Variants in NBEA observed in about 807,000 individuals in gnomAD.
The protein encoded by NBEA is lysosomal-trafficking regulator 2.
A neutral mutation model predicts 343.4 loss-of-function variants in NBEA; 44 were observed. The ratio of observed to expected loss-of-function variants is 0.13; its 90% confidence interval spans 0.10 to 0.16. The LOEUF (loss-of-function observed/expected upper bound fraction) is 0.16, where lower values mean the gene tolerates loss of function less well. NBEA is among the 10% of genes least tolerant of loss of function. NBEA has a pLI of 1.00. For synonymous variants in NBEA, 1,175 were observed against 1,238.7 expected (o/e 0.95, Z 1.08); for missense variants, 2,555 against 3,631.3 (o/e 0.70, Z 7.62).
intron 48 of NBEA, among the ~76,000 whole-genome samples, chr13:35,607,942 G>A (rs556305432): frequency 6.6e-6 from 1 of 152,032 alleles, no homozygotes; most frequent in Non-Finnish European, 1.5e-5. Context: ...TATCTCCATT[G>A]ATTTGACTAT....
intron 10 of NBEA, among the ~76,000 whole-genome samples, chr13:35,079,344 G>A (rs890904454): frequency 6.6e-6 from 1 of 152,066 alleles, no homozygotes; most frequent in Admixed American, 6.6e-5. Context: ...AAATGTAATG[G>A]TTACAAAAAT....
intron 1 of NBEA, among the ~76,000 whole-genome samples, chr13:34,979,902 G>A (rs1270522899): frequency 6.6e-6 from 1 of 152,014 alleles, no homozygotes; most frequent in African/African-American, 2.4e-5. Context: ...GTGAGATAAG[G>A]GTTCAGATTT....
At chr13:34,978,309 A>G (rs1277175510) in intron 1 of NBEA, among the ~76,000 whole-genome samples, 1 of 152,232 alleles carries the variant, frequency 6.6e-6, no homozygotes, top group Non-Finnish European at 1.5e-5. Flanking sequence ...AAAATTTTAT[A>G]GTGAACACCC....
Position 35,056,131 on chromosome 13 carries a change from TA to T in NBEA, c.1092+4del. 6.3e-7 allele frequency: 1 copy of T among 1,578,060 alleles called. No homozygotes were observed. The highest frequency in any genetic ancestry group is 1.2e-5 in the South Asian group (1 of 82,116). ...GCTTGGCATGTTAACACAAATGATG[TA>T]AGTCTTTATTTTTCTGTCTGTGTTT... On this transcript the variant is annotated splice_donor_region_variant and intron_variant, in intron 7 of 58. Transcript: ENST00000379939.
At chr13:35,641,678 G>A (rs2083956367) in intron 49 of NBEA, among the ~76,000 whole-genome samples, 1 of 152,038 alleles carries the variant, frequency 6.6e-6, no homozygotes, top group Non-Finnish European at 1.5e-5. Flanking sequence ...GGGCTAGATA[G>A]GGGGAATAAT....
intron 30 of NBEA, 144 bp downstream of exon 30, chr13:35,184,215 C>A: frequency 1.9e-6 from 1 of 522,610 alleles, no homozygotes; most frequent in Non-Finnish European, 3.3e-6. Flanking sequence ...TTATACCTAG[C>A]TATTGAGAGC....
At chr13:35,059,938 C>G (rs1313968475) in intron 8 of NBEA, among the ~76,000 whole-genome samples, 1 of 151,774 alleles carries the variant, frequency 6.6e-6, no homozygotes, top group African/African-American at 2.4e-5. Context: ...TTTTGTCTTA[C>G]TAGCTCTAGA....
intron 1 of NBEA, among the ~76,000 whole-genome samples, chr13:34,946,490 G>A (rs544473205): frequency 6.6e-6 from 1 of 151,894 alleles, no homozygotes; most frequent in Non-Finnish European, 1.5e-5. Context: ...CTTAGTGAAA[G>A]AATTCATAAT....
intron 11 of NBEA, among the ~76,000 whole-genome samples, chr13:35,100,536 C>T (rs538207872): frequency 3.3e-5 from 5 of 151,994 alleles, no homozygotes; most frequent in African/African-American, 7.2e-5. Flanking sequence ...CTGTGTGTGA[C>T]AGGATTTCTG....
chr13:35,128,836 AG>A (rs2067264861), intron 17 of NBEA, among the ~76,000 whole-genome samples: 1 of 152,192 alleles, frequency 6.6e-6, no homozygotes, highest in Non-Finnish European at 1.5e-5. Context: ...AGATTCAAAT[AG>A]AGCACCAATG....
chr13:35,429,808 T>TGTGTGTGTGC, intron 38 of NBEA, among the ~76,000 whole-genome samples: 1 of 142,490 alleles, frequency 7.0e-6, no homozygotes, highest in Non-Finnish European at 1.5e-5. Context: ...AACGTGTGTG[T>TGTGTGTGTGC]GTGTGTGTGT....
At position 35,286,587 on chromosome 13, in the gene NBEA, A is replaced by T. The variant is rs1052496845; in HGVS notation, c.5777-3802A>T. On this transcript the variant is annotated intron_variant, in intron 34 of 58. Transcript: ENST00000379939. ...TTTAACTTGATATTCAATTCAACAG[A>T]TGTAAAAAGTTAGACCCGCAGATTG... Among the ~76,000 whole-genome samples, 5 of 152,274 alleles carry T rather than the reference A, an allele frequency of 3.3e-5. No individual in the cohort carries two copies. The East Asian group carries it at 7.7e-4, about 24-fold the overall frequency.
intron 39 of NBEA, among the ~76,000 whole-genome samples, chr13:35,436,693 G>A (rs1167284162): frequency 6.7e-6 from 1 of 149,088 alleles, no homozygotes; most frequent in Non-Finnish European, 1.5e-5. Flanking sequence ...CTGGGCGACA[G>A]GGAGACTCCG....
chr13:35,225,574 G>C (rs1180831638), intron 33 of NBEA, among the ~76,000 whole-genome samples: 1 of 152,124 alleles, frequency 6.6e-6, no homozygotes, highest in Non-Finnish European at 1.5e-5. Flanking sequence ...ATACTGGTTA[G>C]GTTTGAATGG....
chr13:34,970,264 A>T (rs1307523236), intron 1 of NBEA, among the ~76,000 whole-genome samples: 1 of 151,606 alleles, frequency 6.6e-6, no homozygotes, highest in South Asian at 2.1e-4. Flanking sequence ...TTCCTTGTAA[A>T]TTTGTTTAAG....
intron 38 of NBEA, among the ~76,000 whole-genome samples, chr13:35,392,776 A>T (rs2042567151): frequency 6.6e-6 from 1 of 152,190 alleles, no homozygotes; most frequent in Non-Finnish European, 1.5e-5. Context: ...GTCTTTGAAT[A>T]AATGGGACTT....
chr13:35,627,907 A>AGGT lies in NBEA; in HGVS notation c.7450-173_7450-171dup, dbSNP rs375798726. Among the ~76,000 whole-genome samples, 408 of 152,046 alleles carry AGGT rather than the reference A, an allele frequency of 2.7e-3. 4 individuals are homozygous for AGGT. Among genetic ancestry groups the AGGT allele is most frequent in the African/African-American group, 8.5e-3 (353 of 41,486 alleles). On this transcript the variant is annotated intron_variant, in intron 48 of 58. Coordinates refer to ENST00000379939, the MANE Select transcript of NBEA (RefSeq NM_001385012.1). ...TTTAGGTGTCTGTAAAATACTACTG[A>AGGT]GGTAGTATTTTTCCATTTCTAGGAA...
chr13:35,426,225 G>A (rs950020995), intron 38 of NBEA, among the ~76,000 whole-genome samples: 21 of 152,164 alleles, frequency 1.4e-4, no homozygotes, highest in Non-Finnish European at 2.5e-4. Flanking sequence ...GTTAGTTGAT[G>A]CAGTTTCTTC....
Position 35,023,860 on chromosome 13 carries a change from G to A in NBEA, c.295-17073G>A, listed in dbSNP as rs186683411. Among the ~76,000 whole-genome samples, 6 of 152,194 alleles carry A rather than the reference G, an allele frequency of 3.9e-5. No homozygotes were observed. The East Asian group carries it at 1.2e-3, about 29-fold the overall frequency. ...TTATTTTAGGTTTGGGGGTGCATGC[G>A]CAGGTTTGTTACGTGGGTAAATTGT... is the stretch of plus-strand genomic sequence containing the variant. On this transcript the variant is annotated intron_variant, in intron 1 of 58. Coordinates refer to ENST00000379939, the MANE Select transcript of NBEA (RefSeq NM_001385012.1).
Sources: gnomAD v4.1 joint callset for allele counts (sites outside exome capture counted in the v4.1 genomes callset) on GRCh38, gnomAD v4.1.1 for gene constraint, MANE v1.5 for transcripts, NCBI Gene and HGNC (gene_info 2026-07-23, HGNC 2026-07-21) for gene names.